The following CLEC4C variants were observed in gnomAD, a reference collection of about 807,000 sequenced individuals.
CLEC4C encodes the protein C-type (calcium dependent, carbohydrate-recognition domain) lectin, superfamily member 11.
In CLEC4C, 17 loss-of-function variants were observed where a neutral mutation model predicts 27.7. The ratio of observed to expected loss-of-function variants is 0.61; its 90% CI spans 0.42 to 0.92. The LOEUF (loss-of-function observed/expected upper bound fraction) is 0.92, where lower values mean the gene tolerates loss of function less well. Ranked by LOEUF, CLEC4C falls within the 40% of genes least tolerant of loss-of-function variation. The pLI, the probability that CLEC4C is intolerant of heterozygous loss-of-function variation, is 0.00. For missense variants in CLEC4C, 244 were observed against 257.3 expected (o/e 0.95, Z 0.35); for synonymous variants, 80 against 80.8 (o/e 0.99, Z 0.06).
rs376967824 is a variant in CLEC4C, at chr12:7,729,588, T to C, written c.*8A>G. 12 of 1,611,874 alleles carry C rather than the reference T, an allele frequency of 7.4e-6. No individual in the cohort carries two copies. The highest frequency in any genetic ancestry group is 1.0e-5 in the Non-Finnish European group (12 of 1,178,814). On this transcript the variant is annotated 3_prime_UTR_variant, in exon 6 of 6. Transcript: ENST00000360345. The stretch of plus-strand genomic sequence containing the variant: ...AACCCAAACACATTTCCAGGGAGAA[T>C]ATTTCATTTATATGTAGATCTTCTT...
rs759884664 is a variant in CLEC4C at position 7,747,345 on chromosome 12, C to T, written c.4G>A (p.Val2Met). 23 of 1,613,962 alleles carry T rather than the reference C, an allele frequency of 1.4e-5. No homozygotes were observed. Among genetic ancestry groups the T allele is most frequent in the African/African-American group, 2.7e-5 (2 of 74,910 alleles). Residue 2 changes from valine to methionine, a missense_variant, in exon 1 of 6, where the codon GTG (valine) becomes ATG (methionine). Coordinates refer to ENST00000360345, the MANE Select transcript of CLEC4C (RefSeq NM_001371390.1). The part of the protein sequence containing the change: M[V>M]PEEEPQDREK... ...CGGTCTTGAGGCTCTTCTTCAGGCA[C>T]CATTGTGTGTGCGCACACCCTTTGG...
At chr12:7,741,939 A>T (rs7302321) in intron 2 of CLEC4C, among the ~76,000 whole-genome samples, 146,656 of 152,060 alleles carry the variant, frequency 0.96, 70,918 homozygotes, top group East Asian at 1. Flanking sequence ...GAGAATTGCT[A>T]GAACCCAGGA....
intron 2 of CLEC4C, among the ~76,000 whole-genome samples, chr12:7,742,492 T>A: frequency 8.1e-6 from 1 of 123,740 alleles, no homozygotes; most frequent in African/African-American, 3.1e-5. Context: ...GCCTGGGCAA[T>A]AGAGCCAGAC....
chr12:7,732,902 C>G (rs992486343), intron 4 of CLEC4C, among the ~76,000 whole-genome samples: 6 of 151,732 alleles, frequency 4.0e-5, no homozygotes, highest in Admixed American at 2.0e-4. Flanking sequence ...GAGCGGAGAT[C>G]GCGCCACTGC....
intron 2 of CLEC4C, among the ~76,000 whole-genome samples, chr12:7,743,407 T>TG (rs1217150558): frequency 6.6e-6 from 1 of 151,472 alleles, no homozygotes; most frequent in African/African-American, 2.4e-5. Flanking sequence ...TTTTTTGAGA[T>TG]GGAGTCTTGC....
At position 7,746,313 on chromosome 12, in the gene CLEC4C, C is replaced by T. The variant is rs530123164; in HGVS notation, c.124+18G>A. On this transcript the variant is annotated intron_variant, in intron 2 of 5. Transcript: ENST00000360345. Reference sequence around the variant, plus strand: ...GGAAAAGGACCAAGAGATGACTGCACTCCAGCCAAGAACTTACCCACAGAA... The same window carrying T: ...GGAAAAGGACCAAGAGATGACTGCATTCCAGCCAAGAACTTACCCACAGAA... 5 of 1,523,272 alleles carry T rather than the reference C, an allele frequency of 3.3e-6. No individual in the cohort carries two copies. Among genetic ancestry groups the T allele is most frequent in the Admixed American group, 1.7e-5 (1 of 59,086 alleles). The allele number at this position is 1,523,272 out of a possible 1,614,324, so 94.4% of individuals were successfully genotyped here.
At chr12:7,746,899 A>G (rs1177571959) in intron 1 of CLEC4C, among the ~76,000 whole-genome samples, 1 of 152,040 alleles carries the variant, frequency 6.6e-6, no homozygotes, top group Non-Finnish European at 1.5e-5. Flanking sequence ...ATCTCGGCTC[A>G]CTGCAACCTC....
chr12:7,737,556 G>A lies in CLEC4C; in HGVS notation c.254C>T (p.Thr85Ile), dbSNP rs772267983. ...KDIEDWSCCP[T>I]PWTSFQSSCY... ...ACTAGACTGAAATGAAGTCCAAGGG[G>A]TTGGGCAGCAGCTCCAATCTTCCCA... is the stretch of plus-strand genomic sequence containing the variant. The change falls in exon 4 of 6, where the codon ACC becomes ATC. Residue 85 changes from threonine (T) to isoleucine (I), a missense_variant. Physicochemically the swap from Thr to Ile is moderately conservative, Grantham distance 89 (BLOSUM62 -1). Coordinates refer to ENST00000360345, the MANE Select transcript of CLEC4C (RefSeq NM_001371390.1). 7 of 1,613,338 alleles carry A rather than the reference G, an allele frequency of 4.3e-6. No individual in the cohort carries two copies. The highest frequency in any genetic ancestry group is 5.9e-6 in the Non-Finnish European group (7 of 1,179,798).
At chr12:7,745,784 T>C (rs1565464531) in intron 2 of CLEC4C, among the ~76,000 whole-genome samples, 1 of 151,918 alleles carries the variant, frequency 6.6e-6, no homozygotes, top group African/African-American at 2.4e-5. Flanking sequence ...ACAGTTATGA[T>C]CACATTTGAA....
upstream of CLEC4C, among the ~76,000 whole-genome samples, chr12:7,747,685 A>T (rs1865015850): frequency 8.8e-6 from 1 of 114,228 alleles, no homozygotes; most frequent in Non-Finnish European, 1.7e-5. Flanking sequence ...TCTGCCACCC[A>T]GGCTGGAGTA....
At chr12:7,744,737 C>T (rs1208990284) in intron 2 of CLEC4C, among the ~76,000 whole-genome samples, 1 of 152,136 alleles carries the variant, frequency 6.6e-6, no homozygotes, top group African/African-American at 2.4e-5. Context: ...GCCTCAACCT[C>T]CTGAGTAGCT....
Position 7,730,890 on chromosome 12 carries a change from T to C in CLEC4C, c.404A>G (p.Lys135Arg). Residue 135 changes from lysine (K) to arginine (R), a missense_variant, in exon 5 of 6, where the codon AAA becomes AGA. Coordinates refer to ENST00000360345, the MANE Select transcript of CLEC4C (RefSeq NM_001371390.1). ...EEQDFIIQNL[K>R]RNSSYFLGLS... ...CCCCAGAAAATAAGAAGAATTTCTT[T>C]TCAGATTCTGAATGATGAAATCCTG... 3.1e-6 allele frequency: 5 copies of C among 1,599,414 alleles called. No individual in the cohort carries two copies. Among genetic ancestry groups the C allele is most frequent in the Non-Finnish European group, 4.3e-6 (5 of 1,167,044 alleles).
chr12:7,730,962 C>A (rs1864583868), intron 4 of CLEC4C, 50 bp from the exon 5 acceptor site: 2 of 906,402 alleles, frequency 2.2e-6, no homozygotes, highest in Non-Finnish European at 3.7e-6. Flanking sequence ...GGAGCACCCT[C>A]ATCTGGGACG....
At chr12:7,737,306 GTTT>G in intron 4 of CLEC4C, 120 bp downstream of exon 4, 1 of 848,788 alleles carries the variant, frequency 1.2e-6, no homozygotes, top group South Asian at 3.0e-5. Context: ...TGTTTTTTGG[GTTT>G]TTTTTTACCC....
chr12:7,735,301 G>A (rs929308643), intron 4 of CLEC4C, among the ~76,000 whole-genome samples: 9 of 151,882 alleles, frequency 5.9e-5, no homozygotes, highest in Admixed American at 5.3e-4. Context: ...TCAGGAGTTC[G>A]AGACTAGCCT....
intron 3 of CLEC4C, among the ~76,000 whole-genome samples, 181 bp from the exon 4 acceptor site, chr12:7,737,755 G>C (rs1323145411): frequency 6.6e-6 from 1 of 152,012 alleles, no homozygotes; most frequent in Non-Finnish European, 1.5e-5. Flanking sequence ...TCTATACAGG[G>C]ACCAGCAAAC....
At chr12:7,732,765 A>G (rs1250599281) in intron 4 of CLEC4C, among the ~76,000 whole-genome samples, 3 of 151,104 alleles carry the variant, frequency 2.0e-5, no homozygotes, top group African/African-American at 7.3e-5. Context: ...GATCAAGACC[A>G]TACTGGCTAA....
chr12:7,747,150 C>T (rs1476085534), intron 1 of CLEC4C, among the ~76,000 whole-genome samples, 168 bp downstream of exon 1: 1 of 152,106 alleles, frequency 6.6e-6, no homozygotes, highest in Non-Finnish European at 1.5e-5. Context: ...TTCATCTTTC[C>T]CTGATCCAAG....
intron 4 of CLEC4C, among the ~76,000 whole-genome samples, chr12:7,733,988 A>G (rs751094922): frequency 4.7e-5 from 7 of 150,344 alleles, no homozygotes; most frequent in African/African-American, 1.4e-4. Context: ...TACCTCCCAG[A>G]TTCAAGCAAT....
Sources: gnomAD v4.1 joint callset for allele counts (sites outside exome capture counted in the v4.1 genomes callset) on GRCh38, gnomAD v4.1.1 for gene constraint, MANE v1.5 for transcripts, NCBI Gene and HGNC (gene_info 2026-07-23, HGNC 2026-07-21) for gene names.